DNAH10: variants seen among roughly 807,000 people sequenced by gnomAD.
DNAH10 encodes dynein axonemal heavy chain 10, also known as axonemal beta dynein heavy chain 10.
In DNAH10, 348 loss-of-function variants were observed where a neutral mutation model predicts 506.6. The ratio of observed to expected loss-of-function variants is 0.69; its 90% CI spans 0.63 to 0.75. The LOEUF (loss-of-function observed/expected upper bound fraction) is 0.75. Ranked by LOEUF, DNAH10 falls within the 30% of genes least tolerant of loss-of-function variation. DNAH10 has a pLI of 0.00. For synonymous variants in DNAH10, 2,059 were observed against 2,198.6 expected, an observed-to-expected ratio of 0.94 and a Z score of 1.78; for missense variants, 5,179 against 5,787.1, an observed-to-expected ratio of 0.89 and a Z score of 3.41.
chr12:123,840,426 A>G (rs1350652081), intron 29 of DNAH10, among the ~76,000 whole-genome samples: 1 of 93,088 alleles, frequency 1.1e-5, no homozygotes, highest in African/African-American at 4.6e-5. Context: ...TTTTTTTCAG[A>G]CAGGGCGTTG....
intron 51 of DNAH10, among the ~76,000 whole-genome samples, chr12:123,883,056 AT>A (rs1271773122): frequency 2.7e-4 from 41 of 149,222 alleles, no homozygotes; most frequent in Admixed American, 2.0e-4. Context: ...TCGGTACTTC[AT>A]TTTTTTTTTG....
chr12:123,790,479 G>A (rs1371699287), intron 11 of DNAH10, among the ~76,000 whole-genome samples: 1 of 152,266 alleles, frequency 6.6e-6, no homozygotes, highest in African/African-American at 2.4e-5. Context: ...TGAGAATTGC[G>A]TTTTGTCAGA....
In DNAH10 at chr12:123,868,072, C is replaced by G; in HGVS notation, c.7472C>G (p.Ser2491Cys). 6.2e-7 allele frequency: 1 copy of G among 1,613,844 alleles called. No individual in the cohort carries two copies. Among genetic ancestry groups the G allele is most frequent in the Non-Finnish European group, 8.5e-7 (1 of 1,179,876 alleles). The change falls in exon 43 of 79, where the codon TCT becomes TGT. Residue 2491 changes from serine (S) to cysteine (C), a missense_variant. By Grantham distance (112) the Ser-to-Cys change is moderately radical. This residue lies in a region of DNAH10 where 4,844 missense variants were observed against 5,430.5 expected (regional missense o/e 0.89). Coordinates refer to ENST00000673944, the MANE Select transcript of DNAH10 (RefSeq NM_001372106.1). Reference sequence around the variant, plus strand: ...TATATCAAACGCCTTGCTTCTTTGTCTACTGTTGACACAGAAGGAGTTTGG... The same window carrying G: ...TATATCAAACGCCTTGCTTCTTTGTGTACTGTTGACACAGAAGGAGTTTGG... ...DEYIKRLASL[S>C]TVDTEGVWAN...
rs1955345199 is a variant in DNAH10, at chr12:123,933,981, T to A, written c.13477+470T>A. The A allele has an allele frequency of 4.2e-6, 2 of 478,138 alleles. 1 individual carries two copies. The highest frequency in any genetic ancestry group is 9.8e-5 in the South Asian group (2 of 20,504). The allele number at this position is 478,138 out of a possible 1,614,324, so 29.6% of individuals were successfully genotyped here. ...CAAATGAGAGCTGGAAACTGCTGTTTCCCCGGGTCCATGTTGTCTTAGAGT... is the reference window on the plus strand; with the variant it reads ...CAAATGAGAGCTGGAAACTGCTGTTACCCCGGGTCCATGTTGTCTTAGAGT... On this transcript the variant is annotated intron_variant, in intron 77 of 78. Coordinates refer to ENST00000673944, the MANE Select transcript of DNAH10 (RefSeq NM_001372106.1).
chr12:123,928,156 TCA>T lies in DNAH10; in HGVS notation c.12106-229_12106-228del. ...AGGGAGGCAGATGAGTGCAAAATGC[TCA>T]CCCATCTTCCAGGCTGGGTGTGACC... is the stretch of plus-strand genomic sequence containing the variant. On this transcript the variant is annotated intron_variant, in intron 69 of 78. Transcript: ENST00000673944. The surrounding 1 kb of genome is among the most constrained non-coding windows in gnomAD (Gnocchi z 4.9). 1.7e-6 allele frequency: 1 copy of T among 596,728 alleles called. No homozygotes were observed. Among genetic ancestry groups the T allele is most frequent in the South Asian group, 2.0e-5 (1 of 49,344 alleles). 37.0% of individuals were successfully genotyped at this position (596,728 alleles called of 1,614,324 possible). A position where few individuals can be genotyped will look rare whatever the true frequency, so the allele number is the denominator to read the frequency against.
chr12:123,763,563 C>CTTTT (rs35395990), intron 1 of DNAH10, among the ~76,000 whole-genome samples: 15 of 129,520 alleles, frequency 1.2e-4, no homozygotes, highest in African/African-American at 4.5e-4. Context: ...TATTTTTTAA[C>CTTTT]TTTTTTTTTT....
intron 28 of DNAH10, among the ~76,000 whole-genome samples, chr12:123,838,175 C>A (rs1327953119): frequency 2.7e-5 from 4 of 149,538 alleles, no homozygotes; most frequent in African/African-American, 9.7e-5. Flanking sequence ...CATCAGTGAA[C>A]AAAACAAAAA....
At chr12:123,895,892 C>T (rs1329560165) in intron 54 of DNAH10, among the ~76,000 whole-genome samples, 1 of 151,992 alleles carries the variant, frequency 6.6e-6, no homozygotes, top group Non-Finnish European at 1.5e-5. Flanking sequence ...GCGGGTGGAT[C>T]ACTTGAGCCC....
chr12:123,784,927 C>T (rs1334254486), intron 8 of DNAH10, among the ~76,000 whole-genome samples: 1 of 152,228 alleles, frequency 6.6e-6, no homozygotes, highest in African/African-American at 2.4e-5. Context: ...TCACTCCTTT[C>T]TGTGGCAGAA....
At chr12:123,890,517 CT>C in intron 52 of DNAH10, among the ~76,000 whole-genome samples, 1 of 151,656 alleles carries the variant, frequency 6.6e-6, no homozygotes, top group Middle Eastern at 3.2e-3. Flanking sequence ...AACTCCTGGG[CT>C]CTAGTGTTTT....
At chr12:123,779,728 C>G (rs1321230503) in intron 5 of DNAH10, among the ~76,000 whole-genome samples, 3 of 152,156 alleles carry the variant, frequency 2.0e-5, no homozygotes, top group African/African-American at 7.2e-5. Context: ...AGAGGAACTT[C>G]AACTGCACAG....
chr12:123,929,204 G>A, intron 70 of DNAH10, 71 bp from the exon 71 acceptor site: 1 of 1,465,466 alleles, frequency 6.8e-7, no homozygotes, highest in Non-Finnish European at 9.3e-7. Flanking sequence ...CGCAGTGCCT[G>A]CATTGTGCAC....
intron 71 of DNAH10, 75 bp from the exon 72 acceptor site, chr12:123,929,589 C>T (rs901102816): frequency 6.4e-7 from 1 of 1,572,388 alleles, no homozygotes; most frequent in African/African-American, 1.4e-5. Context: ...TTCCCAGCAG[C>T]CTTTTCAGAA....
rs1239080911 is a variant in DNAH10 at position 123,867,578 on chromosome 12, G to A, written c.7279G>A (p.Val2427Ile). 17 of 1,613,986 alleles carry A rather than the reference G, an allele frequency of 1.1e-5. No individual in the cohort carries two copies. The highest frequency in any genetic ancestry group is 1.4e-5 in the Non-Finnish European group (17 of 1,179,896). The change falls in exon 42 of 79, where the codon GTT becomes ATT. Residue 2427 changes from valine to isoleucine, a missense_variant. This residue lies in a region of DNAH10 where 4,844 missense variants were observed against 5,430.5 expected (regional missense o/e 0.89). Coordinates refer to ENST00000673944, the MANE Select transcript of DNAH10 (RefSeq NM_001372106.1). Reference sequence around the variant, plus strand: ...ACAAGCAGAAAAGCTGAAGACAATAGTTCCTCAGACAGACCTCAATATGGT... The same window carrying A: ...ACAAGCAGAAAAGCTGAAGACAATAATTCCTCAGACAGACCTCAATATGGT... Reference protein sequence around the residue: ...GRQAEKLKTIVPQTDLNMVTQ... With the variant: ...GRQAEKLKTIIPQTDLNMVTQ...
At chr12:123,822,482 A>G (rs1463046221) in intron 24 of DNAH10, among the ~76,000 whole-genome samples, 3 of 152,180 alleles carry the variant, frequency 2.0e-5, no homozygotes, top group African/African-American at 7.2e-5. Flanking sequence ...ATATCTGTCT[A>G]TATCTAATCT....
At position 123,781,108 on chromosome 12, in the gene DNAH10, A is replaced by G. The variant is rs773943022; in HGVS notation, c.650A>G (p.Gln217Arg). 6.2e-7 allele frequency: 1 copy of G among 1,608,310 alleles called. No individual in the cohort carries two copies. The highest frequency in any genetic ancestry group is 1.3e-5 in the African/African-American group (1 of 74,852). The change falls in exon 6 of 79, where the codon CAG becomes CGG. Residue 217 changes from glutamine to arginine, a missense_variant. Gln to Arg is a conservative substitution (Grantham distance 43). Coordinates refer to ENST00000673944, the MANE Select transcript of DNAH10 (RefSeq NM_001372106.1). ...QVFLPALSFNQHRTSTTVGVT... is the reference protein window; with the variant it reads ...QVFLPALSFNRHRTSTTVGVT... The stretch of plus-strand genomic sequence containing the variant: ...TTTTTGCCAGCATTGTCCTTCAATC[A>G]GCACAGGACGAGTACAACCGTGGGA...
At chr12:123,805,281 G>A (rs1958624453) in intron 18 of DNAH10, among the ~76,000 whole-genome samples, 1 of 152,186 alleles carries the variant, frequency 6.6e-6, no homozygotes, top group African/African-American at 2.4e-5. Flanking sequence ...GCCATCGTGA[G>A]CCTGTGTTCA....
At chr12:123,829,573 G>A (rs1960322750) in intron 25 of DNAH10, among the ~76,000 whole-genome samples, 1 of 152,216 alleles carries the variant, frequency 6.6e-6, no homozygotes, top group Non-Finnish European at 1.5e-5. Context: ...GTGACCATAA[G>A]CCACAGAGCA....
Position 123,848,831 on chromosome 12 carries a change from C to G in DNAH10, c.6051C>G (p.Ser2017=), listed in dbSNP as rs1951054582. The G allele has an allele frequency of 6.2e-7, 1 of 1,613,738 alleles. No homozygotes were observed. Among genetic ancestry groups the G allele is most frequent in the Non-Finnish European group, 8.5e-7 (1 of 1,179,854 alleles). ...IDASVLSVIS[S]QIQTIRNALI... ...CTTCTGTGCTCTCCGTGATCTCCTC[C>G]CAGATCCAGACGATCCGAAATGCTC... is the stretch of plus-strand genomic sequence containing the variant. Residue 2017 remains serine, a synonymous_variant, in exon 34 of 79, where the codon TCC becomes TCG. Coordinates refer to ENST00000673944, the MANE Select transcript of DNAH10 (RefSeq NM_001372106.1).
Sources: allele counts gnomAD v4.1 joint callset (sites outside exome capture counted in the v4.1 genomes callset), GRCh38; gene constraint gnomAD v4.1.1; regional missense constraint gnomAD v4.1.1; non-coding constraint Gnocchi (gnomAD v3.1); transcripts MANE v1.5; gene names NCBI Gene and HGNC (gene_info 2026-07-23, HGNC 2026-07-21).